Variants in MYO7B observed in about 807,000 individuals in gnomAD.
The protein encoded by MYO7B is myosin VIIB.
Under a neutral mutation model 259.7 loss-of-function variants are expected in MYO7B, and 212 were observed. That is an observed-to-expected ratio of 0.82 (90% confidence interval 0.73 to 0.91). MYO7B has a LOEUF of 0.91. Among genes scored for constraint, MYO7B ranks in the 40% least tolerant of loss-of-function variants. The pLI is 0.00. For synonymous variants in MYO7B, 1,197 were observed against 1,166.4 expected (o/e 1.03, Z -0.54); for missense variants, 2,732 against 2,813.5 (o/e 0.97, Z 0.66).
rs1474504623 is a variant in MYO7B at position 127,597,882 on chromosome 2, C to T, written c.2339+1326C>T. ...CAAACTCCTGGCCTCAAGTGATCCG[C>T]CCGCCTCAGCCTCTCAAAGTGCTGG... On this transcript the variant is annotated intron_variant, in intron 19 of 47. Transcript: ENST00000409816. The surrounding 1 kb of genome is among the most constrained non-coding windows in gnomAD (Gnocchi z 4.8). Among the ~76,000 whole-genome samples the T allele has an allele frequency of 6.6e-6, 1 of 152,088 alleles. No homozygotes were observed. The highest frequency in any genetic ancestry group is 1.9e-4 in the East Asian group (1 of 5,200).
rs991669724 is a variant in MYO7B at position 127,590,964 on chromosome 2, C to T, written c.1992+735C>T. Among the ~76,000 whole-genome samples, 5 of 152,266 alleles carry T rather than the reference C, an allele frequency of 3.3e-5. No homozygotes were observed. Among genetic ancestry groups the T allele is most frequent in the East Asian group, 1.9e-4 (1 of 5,184 alleles). ...ATCCCAGCACTTTGGGAGGCTGAGG[C>T]GGGAGGATTGCTTGAGGCAAGCCTG... On this transcript the variant is annotated intron_variant, in intron 16 of 47. Transcript: ENST00000409816. This position sits in a 1 kb window ranked among gnomAD's most constrained non-coding sequence, Gnocchi z 4.6.
intron 17 of MYO7B, 36 bp from the exon 18 acceptor site, chr2:127,593,510 C>A: frequency 1.3e-6 from 2 of 1,595,876 alleles, no homozygotes; most frequent in South Asian, 1.1e-5. Flanking sequence ...GGTCTCTGCC[C>A]CACCTCCCAC....
chr2:127,624,052 T>C lies in MYO7B; in HGVS notation c.3820-41T>C. 2.0e-6 allele frequency: 3 copies of C among 1,515,140 alleles called. No individual in the cohort carries two copies. The East Asian group carries it at 7.4e-5, about 37-fold the overall frequency. 93.9% of individuals were successfully genotyped at this position (1,515,140 alleles called of 1,614,324 possible). A position where few individuals can be genotyped will look rare whatever the true frequency, so the allele number is the denominator to read the frequency against. ...GTGGGCGTCCCCGTGGGGTGGGGCA[T>C]GCAACAGCCGCTAACCCCTGCTCCC... On this transcript the variant is annotated intron_variant, in intron 29 of 47. Transcript: ENST00000409816.
At chr2:127,582,511 A>C in intron 12 of MYO7B, 65 bp downstream of exon 12, 1 of 1,566,452 alleles carries the variant, frequency 6.4e-7, no homozygotes, top group Non-Finnish European at 8.7e-7. Context: ...GCTCCTCTCG[A>C]AGGGGGCAAG....
chr2:127,536,422 G>A (rs1445070399), intron 1 of MYO7B, among the ~76,000 whole-genome samples: 4 of 148,876 alleles, frequency 2.7e-5, no homozygotes, highest in Non-Finnish European at 5.9e-5. Flanking sequence ...GTCACCTCTG[G>A]AAGGCTGGGA....
chr2:127,550,140 T>C (rs897271048), intron 1 of MYO7B, among the ~76,000 whole-genome samples: 10 of 151,860 alleles, frequency 6.6e-5, no homozygotes, highest in African/African-American at 2.4e-4. Context: ...CCGCTTGGGG[T>C]CCCAGGATTC....
chr2:127,617,727 C>T (rs1296797238), intron 26 of MYO7B, among the ~76,000 whole-genome samples: 2 of 151,018 alleles, frequency 1.3e-5, no homozygotes, highest in Non-Finnish European at 2.9e-5. Context: ...TGGTCTCGAT[C>T]TCCTGACCTC....
chr2:127,632,443 C>G, intron 39 of MYO7B, 42 bp downstream of exon 39: 1 of 1,496,144 alleles, frequency 6.7e-7, no homozygotes, highest in Non-Finnish European at 8.9e-7. Flanking sequence ...GCCCTGGGCC[C>G]GCAGACCTGG....
intron 1 of MYO7B, among the ~76,000 whole-genome samples, chr2:127,558,983 C>A (rs138705841): frequency 1.3e-5 from 2 of 152,182 alleles, no homozygotes; most frequent in Non-Finnish European, 2.9e-5. Context: ...CCACAAGTCA[C>A]GGCTAAAGAG....
At chr2:127,619,576 C>A (rs960099034) in intron 26 of MYO7B, among the ~76,000 whole-genome samples, 1 of 152,052 alleles carries the variant, frequency 6.6e-6, no homozygotes, top group African/African-American at 2.4e-5. Context: ...CATCTCTGTT[C>A]GGTGATGTCG....
At position 127,576,335 on chromosome 2, in the gene MYO7B, G is replaced by A. The variant is rs907127622; in HGVS notation, c.736-260G>A. Among the ~76,000 whole-genome samples, 5 of 152,220 alleles carry A rather than the reference G, an allele frequency of 3.3e-5. 1 individual carries two copies. The South Asian group carries it at 1.0e-3, about 32-fold the overall frequency. On this transcript the variant is annotated intron_variant, in intron 7 of 47. Transcript: ENST00000409816. The surrounding 1 kb of genome is among the most constrained non-coding windows in gnomAD (Gnocchi z 4.9). ...CCATCACTCCTGGCCTGGAGACTTT[G>A]GGCACAGCAGTGTCAGGGCTTCGAG...
At chr2:127,629,219 G>A (rs969772182) in intron 34 of MYO7B, among the ~76,000 whole-genome samples, 2 of 152,182 alleles carry the variant, frequency 1.3e-5, no homozygotes, top group Admixed American at 6.5e-5. Context: ...CTGCCCTATC[G>A]CCCCATTCAG....
rs527365414 is a variant in MYO7B, at chr2:127,624,761, G to A, written c.4047+441G>A. Among the ~76,000 whole-genome samples, 39 of 152,362 alleles carry A rather than the reference G, an allele frequency of 2.6e-4. No individual in the cohort carries two copies. The East Asian group carries it at 7.5e-3, about 29-fold the overall frequency. ...GGGGCTCTCACCTGGACCGTGCGGA[G>A]TGTACCGGGAGCTCTTTTGTAGGGG... On this transcript the variant is annotated intron_variant, in intron 30 of 47. Transcript: ENST00000409816.
intron 39 of MYO7B, 147 bp from the exon 40 acceptor site, chr2:127,633,111 G>A (rs945666109): frequency 1.6e-6 from 1 of 631,192 alleles, no homozygotes; most frequent in South Asian, 2.0e-5. Context: ...CAGCCCCCAG[G>A]ACATGCGAGG....
intron 19 of MYO7B, among the ~76,000 whole-genome samples, chr2:127,601,415 C>T (rs918467658): frequency 1.3e-5 from 2 of 152,094 alleles, no homozygotes; most frequent in Non-Finnish European, 2.9e-5. Context: ...GAGAGAGTCT[C>T]TAATTATAAT....
chr2:127,581,789 G>A (rs1679110729), intron 10 of MYO7B, 102 bp from the exon 11 acceptor site: 2 of 1,527,952 alleles, frequency 1.3e-6, no homozygotes, highest in East Asian at 4.6e-5. Flanking sequence ...GTGGGCATAG[G>A]TGCTTGGTCA....
rs1048555989 is a variant in MYO7B, at chr2:127,631,452, C to A, written c.5095+89C>A. On this transcript the variant is annotated intron_variant, in intron 37 of 47. Transcript: ENST00000409816. ...CTGGCCCTACAGCTGTGCTCTAGGG[C>A]AGGAGAGCCCAGGAGATCTGAGAAA... 4 of 1,542,830 alleles carry A rather than the reference C, an allele frequency of 2.6e-6. No individual in the cohort carries two copies. In the African/African-American group the frequency reaches 5.5e-5, roughly 21 times the overall value.
At chr2:127,600,239 G>T (rs534137786) in intron 19 of MYO7B, among the ~76,000 whole-genome samples, 1 of 152,218 alleles carries the variant, frequency 6.6e-6, no homozygotes, top group African/African-American at 2.4e-5. Flanking sequence ...GCTTTCTGAG[G>T]AACTAGTCCA....
chr2:127,632,479 C>A (rs1375440986), intron 39 of MYO7B, 78 bp downstream of exon 39: 1 of 1,475,750 alleles, frequency 6.8e-7, no homozygotes, highest in African/African-American at 1.4e-5. Flanking sequence ...GGCCAGCCTT[C>A]CAGGAGCTCA....
Sources: allele counts gnomAD v4.1 joint callset (sites outside exome capture counted in the v4.1 genomes callset), GRCh38; gene constraint gnomAD v4.1.1; non-coding constraint Gnocchi (gnomAD v3.1); transcripts MANE v1.5; gene names NCBI Gene and HGNC (gene_info 2026-07-23, HGNC 2026-07-21).